PCLO: variants seen among roughly 807,000 people sequenced by gnomAD.
The protein encoded by PCLO is protein piccolo.
In PCLO, 82 loss-of-function variants were observed where a neutral mutation model predicts 427.5. The observed-to-expected ratio is 0.19, with a 90% CI of 0.16 to 0.23. The LOEUF is 0.23. Among genes scored for constraint, PCLO ranks in the 10% least tolerant of loss-of-function variants. The pLI is 1.00. For synonymous variants in PCLO, 2,357 were observed against 2,155.4 expected, an observed-to-expected ratio of 1.09 and a Z score of -2.59; for missense variants, 6,239 against 6,115.9, an observed-to-expected ratio of 1.02 and a Z score of -0.67.
rs2115655970 is a variant in PCLO at position 82,965,752 on chromosome 7, T to C, written c.4017+19A>G. On this transcript the variant is annotated intron_variant, in intron 4 of 24. Coordinates refer to ENST00000333891, the MANE Select transcript of PCLO (RefSeq NM_033026.6). ...ATTTCACACATGAGAGTGTGAGAAG[T>C]TAGTAAAATTTAACTTACTGTTTTT... 1 of 1,519,676 alleles carries C rather than the reference T, an allele frequency of 6.6e-7. No individual in the cohort carries two copies. Among genetic ancestry groups the C allele is most frequent in the South Asian group, 1.2e-5 (1 of 82,062 alleles). 94.1% of individuals were successfully genotyped at this position (1,519,676 alleles called of 1,614,324 possible). A position where few individuals can be genotyped will look rare whatever the true frequency, so the allele number is the denominator to read the frequency against.
chr7:83,105,107 T>C (rs1337714262), intron 3 of PCLO, among the ~76,000 whole-genome samples: 3 of 152,168 alleles, frequency 2.0e-5, no homozygotes, highest in East Asian at 1.9e-4. Flanking sequence ...ATATAAAATA[T>C]AGGACATGTT....
chr7:82,755,396 C>T lies in PCLO; in HGVS notation c.*3179G>A, dbSNP rs1196166479. 2 of 151,976 alleles carry T rather than the reference C, an allele frequency of 1.3e-5. No individual in the cohort carries two copies. The highest frequency in any genetic ancestry group is 1.9e-4 in the East Asian group (1 of 5,198). The allele number at this position is 151,976 out of a possible 1,614,324, so 9.4% of individuals were successfully genotyped here. A position where few individuals can be genotyped will look rare whatever the true frequency, so the allele number is the denominator to read the frequency against. On this transcript the variant is annotated 3_prime_UTR_variant, in exon 25 of 25. Transcript: ENST00000333891. Reference sequence around the variant, plus strand: ...TAATCTTAAGTAAAAACAGAGAAAACACCAACTTCGTGCTACTAGGGTTAT... The same window carrying T: ...TAATCTTAAGTAAAAACAGAGAAAATACCAACTTCGTGCTACTAGGGTTAT...
intron 3 of PCLO, among the ~76,000 whole-genome samples, chr7:83,128,775 T>G (rs1476729763): frequency 6.6e-6 from 1 of 152,156 alleles, no homozygotes; most frequent in Non-Finnish European, 1.5e-5. Flanking sequence ...TCATACTCAC[T>G]AGAAAGGCAG....
At chr7:82,896,612 G>A (rs1459504572) in intron 9 of PCLO, among the ~76,000 whole-genome samples, 1 of 151,444 alleles carries the variant, frequency 6.6e-6, no homozygotes, top group South Asian at 2.1e-4. Context: ...TCATTGATTT[G>A]TACACTAACA....
chr7:82,921,550 G>T (rs998006089), intron 6 of PCLO, among the ~76,000 whole-genome samples: 2 of 151,906 alleles, frequency 1.3e-5, no homozygotes, highest in Non-Finnish European at 2.9e-5. Context: ...ACATGCCAAA[G>T]ATTGAAACTG....
chr7:83,075,762 T>C (rs1324139057), intron 3 of PCLO, among the ~76,000 whole-genome samples: 4 of 152,286 alleles, frequency 2.6e-5, no homozygotes, highest in South Asian at 2.1e-4. Context: ...TGATTTAATA[T>C]GATTATGACA....
chr7:83,097,562 T>C (rs370677954), intron 3 of PCLO, among the ~76,000 whole-genome samples: 1 of 146,454 alleles, frequency 6.8e-6, no homozygotes, highest in Non-Finnish European at 1.5e-5. Flanking sequence ...ATACATATAT[T>C]ATATATATAT....
Position 82,826,571 on chromosome 7 carries a change from AG to A in PCLO, c.14415+17del. 6.5e-7 allele frequency: 1 copy of A among 1,536,760 alleles called. No homozygotes were observed. Among genetic ancestry groups the A allele is most frequent in the Non-Finnish European group, 9.0e-7 (1 of 1,114,468 alleles). On this transcript the variant is annotated intron_variant, in intron 18 of 24. Transcript: ENST00000333891. ...TTTACCATAGCAGCAAATAAGGGAA[AG>A]GAAGTCAGAGGCTTACCTCCCCAAG...
intron 21 of PCLO, among the ~76,000 whole-genome samples, chr7:82,804,409 A>G (rs1791418337): frequency 6.6e-6 from 1 of 152,214 alleles, no homozygotes; most frequent in Admixed American, 6.5e-5. Context: ...TATTTTCACT[A>G]ATGCTTTGCT....
intron 3 of PCLO, among the ~76,000 whole-genome samples, chr7:83,117,943 T>C (rs1562972081): frequency 1.3e-5 from 2 of 152,136 alleles, no homozygotes; most frequent in East Asian, 1.9e-4. Context: ...CTAATAAAAA[T>C]AGTAAGGTTC....
chr7:83,126,125 GA>G, intron 3 of PCLO, among the ~76,000 whole-genome samples: 1 of 152,126 alleles, frequency 6.6e-6, no homozygotes, highest in East Asian at 1.9e-4. Context: ...GCCAGTCACG[GA>G]AAGACAAATT....
At chr7:82,973,689 T>C (rs1204540764) in intron 3 of PCLO, among the ~76,000 whole-genome samples, 1 of 151,872 alleles carries the variant, frequency 6.6e-6, no homozygotes, top group East Asian at 1.9e-4. Flanking sequence ...ATTAGAAACT[T>C]GCATTCAGCA....
At chr7:83,016,452 T>G (rs1788209491) in intron 3 of PCLO, among the ~76,000 whole-genome samples, 1 of 152,130 alleles carries the variant, frequency 6.6e-6, no homozygotes, top group Non-Finnish European at 1.5e-5. Context: ...TCATGTTGAT[T>G]TAGGAATCAA....
chr7:82,956,396 A>G lies in PCLO; in HGVS notation c.4557T>C (p.Ser1519=). The G allele has an allele frequency of 6.2e-7, 1 of 1,613,510 alleles. No homozygotes were observed. The highest frequency in any genetic ancestry group is 8.5e-7 in the Non-Finnish European group (1 of 1,179,840). The part of the protein sequence containing the change: ...PYDSVEESSE[S]ENSPVPQRKR... ...TTCTTTGTGGAACAGGTGAGTTTTC[A>G]CTTTCACTACTCTCTTCAACTGAAT... Residue 1519 remains serine, a synonymous_variant, in exon 5 of 25, where the codon AGT becomes AGC. Transcript: ENST00000333891.
At chr7:82,978,526 C>G (rs1173076834) in intron 3 of PCLO, among the ~76,000 whole-genome samples, 1 of 151,824 alleles carries the variant, frequency 6.6e-6, no homozygotes, top group Non-Finnish European at 1.5e-5. Context: ...GTTCTAAGTG[C>G]TATATATAAT....
intron 9 of PCLO, among the ~76,000 whole-genome samples, chr7:82,897,130 T>C (rs1793923618): frequency 6.6e-6 from 1 of 151,676 alleles, no homozygotes; most frequent in African/African-American, 2.4e-5. Context: ...GTACAAGATT[T>C]TGTGTTAGGT....
intron 3 of PCLO, among the ~76,000 whole-genome samples, chr7:83,094,822 T>C (rs1411835702): frequency 6.6e-6 from 1 of 152,162 alleles, no homozygotes; most frequent in Non-Finnish European, 1.5e-5. Context: ...CAAACTGTCT[T>C]CTAGAGAGTA....
At position 83,134,233 on chromosome 7, in the gene PCLO, A is replaced by ATC; in HGVS notation, c.3300+16_3300+17insGA. ...CTCCATATGTAATATATATATATAT[A>ATC]TATATATATAACTTACCTCAGTCAA... is the stretch of plus-strand genomic sequence containing the variant. On this transcript the variant is annotated intron_variant, in intron 3 of 24. Coordinates refer to ENST00000333891, the MANE Select transcript of PCLO (RefSeq NM_033026.6). The ATC allele has an allele frequency of 1.3e-6, 1 of 753,210 alleles. No homozygotes were observed. The highest frequency in any genetic ancestry group is 1.9e-6 in the Non-Finnish European group (1 of 521,356). 46.7% of individuals were successfully genotyped at this position (753,210 alleles called of 1,614,324 possible). A position where few individuals can be genotyped will look rare whatever the true frequency, so the allele number is the denominator to read the frequency against.
intron 22 of PCLO, among the ~76,000 whole-genome samples, chr7:82,761,971 A>T (rs578182751): frequency 6.6e-6 from 1 of 152,142 alleles, no homozygotes; most frequent in South Asian, 2.1e-4. Context: ...AAGGGATATG[A>T]CTCTATATCA....
Sources: gnomAD v4.1 joint callset for allele counts (sites outside exome capture counted in the v4.1 genomes callset) on GRCh38, gnomAD v4.1.1 for gene constraint, MANE v1.5 for transcripts, NCBI Gene and HGNC (gene_info 2026-07-23, HGNC 2026-07-21) for gene names.